Variants in SAMMSON observed in about 807,000 individuals in gnomAD.
SAMMSON encodes long intergenic non-protein coding RNA 1212.
chr3:70,009,494 C>T (rs2066944539), intron 1 of SAMMSON, among the ~76,000 whole-genome samples: 1 of 152,090 alleles, frequency 6.6e-6, no homozygotes, highest in South Asian at 2.1e-4. Flanking sequence ...TCCCCTTTAT[C>T]ATTTTTTATT....
At chr3:70,180,980 G>A (rs1163830959) in intron 4 of SAMMSON, among the ~76,000 whole-genome samples, 1 of 152,156 alleles carries the variant, frequency 6.6e-6, no homozygotes, top group South Asian at 2.1e-4. Flanking sequence ...CTTATGTTGG[G>A]GGACTAGCTG....
At chr3:70,381,953 T>C (rs1257586948) in intron 9 of SAMMSON, among the ~76,000 whole-genome samples, 3 of 152,164 alleles carry the variant, frequency 2.0e-5, no homozygotes, top group African/African-American at 4.8e-5. Context: ...CCATATTAAA[T>C]GATGTCTAGG....
chr3:70,133,038 A>G (rs1324864038), intron 4 of SAMMSON, among the ~76,000 whole-genome samples: 1 of 152,174 alleles, frequency 6.6e-6, no homozygotes, highest in African/African-American at 2.4e-5. Flanking sequence ...CTATATTATA[A>G]GAAATATATC....
chr3:70,117,426 A>G (rs375268529), intron 4 of SAMMSON, among the ~76,000 whole-genome samples: 2 of 152,212 alleles, frequency 1.3e-5, no homozygotes, highest in Non-Finnish European at 2.9e-5. Context: ...TGAAATGCCA[A>G]TGAACTTGAT....
chr3:70,203,950 C>T (rs1701266788), intron 4 of SAMMSON, among the ~76,000 whole-genome samples: 2 of 152,062 alleles, frequency 1.3e-5, no homozygotes, highest in African/African-American at 4.8e-5. Context: ...AAAGGGACCA[C>T]ACACGATGAA....
intron 6 of SAMMSON, among the ~76,000 whole-genome samples, chr3:70,275,941 T>A (rs1171416069): frequency 6.6e-6 from 1 of 152,156 alleles, no homozygotes; most frequent in East Asian, 1.9e-4. Flanking sequence ...ACTAATCAGC[T>A]TTGATTAATA....
intron 9 of SAMMSON, among the ~76,000 whole-genome samples, chr3:70,382,754 A>G (rs919017714): frequency 1.3e-5 from 2 of 152,110 alleles, no homozygotes; most frequent in African/African-American, 4.8e-5. Context: ...TCTTAGCTGT[A>G]AAGTTTTATT....
intron 4 of SAMMSON, among the ~76,000 whole-genome samples, chr3:70,228,744 T>A (rs1323518628): frequency 1.3e-5 from 2 of 151,526 alleles, no homozygotes; most frequent in African/African-American, 4.8e-5. Flanking sequence ...CATGAATCTT[T>A]TTTTTTTTTT....
At chr3:70,086,612 G>A (rs910556055) in intron 4 of SAMMSON, among the ~76,000 whole-genome samples, 4 of 152,160 alleles carry the variant, frequency 2.6e-5, no homozygotes, top group African/African-American at 9.7e-5. Flanking sequence ...TTGGTTACAA[G>A]TCCTCCCAGG....
At chr3:70,373,930 T>C (rs1702990619) in intron 9 of SAMMSON, among the ~76,000 whole-genome samples, 1 of 152,188 alleles carries the variant, frequency 6.6e-6, no homozygotes, top group African/African-American at 2.4e-5. Flanking sequence ...ATTATTATTA[T>C]TGAGATGGAG....
chr3:70,303,295 T>G (rs563100398), intron 7 of SAMMSON, among the ~76,000 whole-genome samples: 1 of 152,268 alleles, frequency 6.6e-6, no homozygotes, highest in East Asian at 1.9e-4. Flanking sequence ...TGTAGCATTA[T>G]GGTGCTGGCA....
downstream of SAMMSON, among the ~76,000 whole-genome samples, chr3:70,391,928 G>T (rs527432725): frequency 2.3e-4 from 35 of 152,128 alleles, no homozygotes; most frequent in African/African-American, 7.9e-4. Context: ...AAGATTTGTT[G>T]CTTGACCCTT....
intron 4 of SAMMSON, among the ~76,000 whole-genome samples, chr3:70,165,877 G>A (rs2067634959): frequency 6.6e-6 from 1 of 152,000 alleles, no homozygotes. Context: ...CAGCTCTCTG[G>A]ATATTTTATC....
intron 7 of SAMMSON, among the ~76,000 whole-genome samples, chr3:70,322,295 G>C (rs1702543684): frequency 6.6e-6 from 1 of 152,066 alleles, no homozygotes; most frequent in Admixed American, 6.6e-5. Context: ...AATACAATAT[G>C]TCAGTTAAAT....
intron 9 of SAMMSON, among the ~76,000 whole-genome samples, chr3:70,369,360 C>A (rs1702946593): frequency 6.6e-6 from 1 of 151,398 alleles, no homozygotes; most frequent in Non-Finnish European, 1.5e-5. Context: ...ATCAGAAAAT[C>A]AAAAAATTCT....
At chr3:70,237,979 C>CTTTTATTTTTTTTTTTTTTTT (rs1701627988) in intron 4 of SAMMSON, among the ~76,000 whole-genome samples, 1 of 48,932 alleles carries the variant, frequency 2.0e-5, no homozygotes, top group African/African-American at 1.1e-4. Flanking sequence ...TGAGTGGTAT[C>CTTTTATTTTTTTTTTTTTTTT]TTTTTTTTTT....
chr3:70,335,917 A>G (rs902445095), intron 7 of SAMMSON, among the ~76,000 whole-genome samples: 4 of 151,100 alleles, frequency 2.6e-5, no homozygotes, highest in East Asian at 3.9e-4. Context: ...CCCATCTTGG[A>G]AAAAAAAAGA....
intron 6 of SAMMSON, among the ~76,000 whole-genome samples, chr3:70,250,787 C>T (rs1296425832): frequency 6.6e-6 from 1 of 152,096 alleles, no homozygotes; most frequent in African/African-American, 2.4e-5. Context: ...TTTGGATTTA[C>T]AGACATAAAC....
At chr3:70,063,280 C>G (rs1399674699) in intron 3 of SAMMSON, among the ~76,000 whole-genome samples, 1 of 152,112 alleles carries the variant, frequency 6.6e-6, no homozygotes, top group African/African-American at 2.4e-5. Flanking sequence ...TTATTCTACA[C>G]CAAATATATC....
Sources: gnomAD v4.1 joint callset for allele counts (sites outside exome capture counted in the v4.1 genomes callset) on GRCh38, gnomAD v4.1.1 for gene constraint, MANE v1.5 for transcripts, NCBI Gene and HGNC (gene_info 2026-07-23, HGNC 2026-07-21) for gene names.